SCARA5: variants seen among roughly 807,000 people sequenced by gnomAD.
SCARA5 encodes the protein scavenger receptor class A, member 5 (putative).
Under a neutral mutation model 46.3 loss-of-function variants are expected in SCARA5, and 45 were observed. The ratio of observed to expected loss-of-function variants is 0.97; its 90% CI spans 0.76 to 1.24. The LOEUF (loss-of-function observed/expected upper bound fraction) is 1.24. Ranked by LOEUF, SCARA5 falls within the 50% of genes most tolerant of loss-of-function variation. The pLI is 0.00. For synonymous variants in SCARA5, 333 were observed against 306.5 expected (o/e 1.09, Z -0.90); for missense variants, 680 against 689.0 (o/e 0.99, Z 0.15).
At chr8:27,979,658 A>G (rs1808584696) in intron 2 of SCARA5, among the ~76,000 whole-genome samples, 1 of 151,908 alleles carries the variant, frequency 6.6e-6, no homozygotes, top group Non-Finnish European at 1.5e-5. Context: ...GGTTCAAGCA[A>G]TTCTCCTGCC....
intron 4 of SCARA5, among the ~76,000 whole-genome samples, chr8:27,915,976 G>A (rs564947627): frequency 6.6e-6 from 1 of 152,004 alleles, no homozygotes; most frequent in East Asian, 1.9e-4. Flanking sequence ...CCCCTCTCTG[G>A]TTACCTTTCC....
At chr8:27,950,975 CT>C (rs1281544963) in intron 3 of SCARA5, among the ~76,000 whole-genome samples, 8 of 151,992 alleles carry the variant, frequency 5.3e-5, no homozygotes, top group Non-Finnish European at 1.2e-4. Context: ...CTCACCCCTT[CT>C]CAAGAGGAAT....
chr8:27,968,140 C>T (rs1024389004), intron 2 of SCARA5, among the ~76,000 whole-genome samples: 5 of 152,212 alleles, frequency 3.3e-5, no homozygotes, highest in Middle Eastern at 3.4e-3. Context: ...GTTTTATGAC[C>T]ACAAGGAAAA....
intron 7 of SCARA5, among the ~76,000 whole-genome samples, chr8:27,896,120 G>A (rs1319030690): frequency 6.6e-6 from 1 of 152,194 alleles, no homozygotes; most frequent in Admixed American, 6.5e-5. Context: ...TGAGAGGTCA[G>A]AGTCAACAAG....
intron 1 of SCARA5, 110 bp from the exon 2 acceptor site, chr8:27,987,740 CT>C (rs1808726458): frequency 1.2e-5 from 8 of 676,564 alleles, no homozygotes; most frequent in Admixed American, 4.2e-5. Context: ...GTGCCCACCC[CT>C]GACCCTAAGC....
intron 4 of SCARA5, among the ~76,000 whole-genome samples, chr8:27,912,090 G>C (rs186196385): frequency 6.6e-6 from 1 of 152,116 alleles, no homozygotes; most frequent in African/African-American, 2.4e-5. Context: ...TTCAGACTTC[G>C]AGTCTCCAGA....
intron 3 of SCARA5, among the ~76,000 whole-genome samples, chr8:27,933,246 G>A (rs747739262): frequency 2.0e-5 from 3 of 151,862 alleles, no homozygotes; most frequent in South Asian, 2.1e-4. Flanking sequence ...ATTCAGCTGG[G>A]CACAGTGGCT....
At chr8:27,956,060 G>A (rs574552181) in intron 3 of SCARA5, among the ~76,000 whole-genome samples, 74 of 152,208 alleles carry the variant, frequency 4.9e-4, no homozygotes, top group Non-Finnish European at 9.3e-4. Context: ...ACCAAGTGGG[G>A]AGGCCACGAG....
At chr8:27,922,399 T>C (rs1464785130) in intron 3 of SCARA5, among the ~76,000 whole-genome samples, 154 bp from the exon 4 acceptor site, 1 of 152,094 alleles carries the variant, frequency 6.6e-6, no homozygotes, top group Non-Finnish European at 1.5e-5. Context: ...CTTTACTAGA[T>C]CCCAGGTATT....
intron 3 of SCARA5, among the ~76,000 whole-genome samples, chr8:27,938,008 C>T (rs1807884457): frequency 6.6e-6 from 1 of 152,162 alleles, no homozygotes; most frequent in Admixed American, 6.5e-5. Context: ...CAGTCCATAA[C>T]TAGCGGTTAG....
chr8:27,960,601 G>T (rs895698088), intron 3 of SCARA5, among the ~76,000 whole-genome samples: 1 of 152,180 alleles, frequency 6.6e-6, no homozygotes, highest in Non-Finnish European at 1.5e-5. Flanking sequence ...AAAAAACCAA[G>T]TCCCTTGGAG....
chr8:27,939,161 G>T (rs1415899125), intron 3 of SCARA5, among the ~76,000 whole-genome samples: 1 of 152,160 alleles, frequency 6.6e-6, no homozygotes, highest in Non-Finnish European at 1.5e-5. Context: ...TTTTGGATCT[G>T]CAGGCAAGAT....
intron 3 of SCARA5, among the ~76,000 whole-genome samples, chr8:27,961,600 G>A (rs1482416136): frequency 6.6e-6 from 1 of 152,198 alleles, no homozygotes; most frequent in African/African-American, 2.4e-5. Flanking sequence ...TCTTGGCCAA[G>A]TGCCTCGGCC....
intron 7 of SCARA5, among the ~76,000 whole-genome samples, chr8:27,881,312 G>A (rs796460071): frequency 2.6e-5 from 4 of 152,104 alleles, no homozygotes; most frequent in South Asian, 2.1e-4. Context: ...TATCAGCAGC[G>A]GATTGAATAA....
At chr8:27,947,549 A>C (rs1808057307) in intron 3 of SCARA5, among the ~76,000 whole-genome samples, 1 of 152,168 alleles carries the variant, frequency 6.6e-6, no homozygotes. Context: ...TTAGCCTTAC[A>C]AAGGAAGGAA....
Position 27,909,728 on chromosome 8 carries a change from T to C in SCARA5, c.932A>G (p.Lys311Arg). 1 of 1,551,224 alleles carries C rather than the reference T, an allele frequency of 6.4e-7. No homozygotes were observed. The highest frequency in any genetic ancestry group is 8.7e-7 in the Non-Finnish European group (1 of 1,146,804). Residue 311 changes from lysine to arginine, a missense_variant, in exon 5 of 9, where the codon AAA becomes AGA. By Grantham distance (26) the Lys-to-Arg change is conservative (BLOSUM62 2). Around this residue, in one of 3 missense-constraint regions of SCARA5, gnomAD observed 219 missense variants for 269.5 expected, o/e 0.81. Transcript: ENST00000354914. The stretch of plus-strand genomic sequence containing the variant: ...CTTTCCTTCATCCCCCTGATCACCT[T>C]TGGGTCCCGGTGGCCCTGGAAAGGC... ...ISLAKGPPGP[K>R]GDQGDEGKEG...
rs957709956 is a variant in SCARA5, at chr8:27,932,715, G to A, written c.242-10470C>T. Among the ~76,000 whole-genome samples, 15 of 152,256 alleles carry A rather than the reference G, an allele frequency of 9.9e-5. No homozygotes were observed. The South Asian group carries it at 2.1e-3, about 21-fold the overall frequency. On this transcript the variant is annotated intron_variant, in intron 3 of 8. Transcript: ENST00000354914. ...GCAATCTCGGCTCACTGCAACCTCC[G>A]CCTCCTGGGTTCAAGTGATTCTCCT...
intron 3 of SCARA5, among the ~76,000 whole-genome samples, chr8:27,957,855 T>C (rs1808229500): frequency 6.6e-6 from 1 of 152,244 alleles, no homozygotes; most frequent in South Asian, 2.1e-4. Flanking sequence ...TAATTAGTGA[T>C]CAGTGAAGCC....
At chr8:27,880,633 G>T (rs1045228354) in intron 7 of SCARA5, among the ~76,000 whole-genome samples, 1 of 152,006 alleles carries the variant, frequency 6.6e-6, no homozygotes, top group Non-Finnish European at 1.5e-5. Flanking sequence ...ATCACTTGAG[G>T]CTAGGGCTTC....
Sources: gnomAD v4.1 joint callset for allele counts (sites outside exome capture counted in the v4.1 genomes callset) on GRCh38, gnomAD v4.1.1 for gene constraint, gnomAD v4.1.1 regional missense constraint, MANE v1.5 for transcripts, NCBI Gene and HGNC (gene_info 2026-07-23, HGNC 2026-07-21) for gene names.